Variants in ARHGEF38 observed in about 807,000 individuals in gnomAD.
The protein encoded by ARHGEF38 is Rho guanine nucleotide exchange factor 38.
In ARHGEF38, 79 loss-of-function variants were observed where a neutral mutation model predicts 79.9. The observed-to-expected ratio is 0.99, with a 90% CI of 0.82 to 1.19. ARHGEF38 has a LOEUF of 1.19. Ranked by LOEUF, ARHGEF38 falls within the 50% of genes most tolerant of loss-of-function variation. ARHGEF38 has a pLI of 0.00. For synonymous variants in ARHGEF38, 366 were observed against 328.3 expected (o/e 1.11, Z -1.24); for missense variants, 962 against 907.2 (o/e 1.06, Z -0.78).
At chr4:105,629,093 T>C (rs1407565254) in intron 3 of ARHGEF38, among the ~76,000 whole-genome samples, 3 of 152,222 alleles carry the variant, frequency 2.0e-5, no homozygotes, top group Non-Finnish European at 2.9e-5. Context: ...AATTCATCCA[T>C]GTAACCAAAA....
intron 1 of ARHGEF38, among the ~76,000 whole-genome samples, chr4:105,568,810 C>T (rs1726070680): frequency 6.6e-6 from 1 of 152,128 alleles, no homozygotes; most frequent in South Asian, 2.1e-4. Flanking sequence ...TGAAGTATGT[C>T]TTTGTTAGCA....
chr4:105,643,591 C>T (rs1415439190), intron 5 of ARHGEF38, among the ~76,000 whole-genome samples: 4 of 152,104 alleles, frequency 2.6e-5, no homozygotes, highest in African/African-American at 9.7e-5. Context: ...AATCTGAGAA[C>T]TCTATCATTT....
intron 1 of ARHGEF38, among the ~76,000 whole-genome samples, chr4:105,576,080 T>C (rs1726483874): frequency 6.6e-6 from 1 of 152,210 alleles, no homozygotes; most frequent in African/African-American, 2.4e-5. Context: ...TCCAGTAATG[T>C]GATGTCTCCA....
At chr4:105,579,140 G>C (rs1167830957) in intron 1 of ARHGEF38, among the ~76,000 whole-genome samples, 1 of 152,130 alleles carries the variant, frequency 6.6e-6, no homozygotes, top group Non-Finnish European at 1.5e-5. Context: ...AACTGAAGGA[G>C]TACCAGGACT....
intron 12 of ARHGEF38, 53 bp from the exon 13 acceptor site, chr4:105,667,391 G>A: frequency 6.5e-7 from 1 of 1,533,020 alleles, no homozygotes; most frequent in Non-Finnish European, 8.7e-7. Flanking sequence ...GCACATGTTT[G>A]GGAAGAGTAT....
chr4:105,643,956 T>A (rs1317682948), intron 5 of ARHGEF38, among the ~76,000 whole-genome samples: 2 of 134,088 alleles, frequency 1.5e-5, no homozygotes, highest in African/African-American at 2.8e-5. Context: ...AGCCTCGACC[T>A]CCCCAGCTTA....
intron 2 of ARHGEF38, among the ~76,000 whole-genome samples, chr4:105,602,201 G>A (rs1328898176): frequency 6.6e-6 from 1 of 152,126 alleles, no homozygotes; most frequent in Non-Finnish European, 1.5e-5. Flanking sequence ...AGCTAACATA[G>A]GGTAAGTTTA....
At chr4:105,596,363 G>GC (rs1727579814) in intron 2 of ARHGEF38, among the ~76,000 whole-genome samples, 1 of 152,078 alleles carries the variant, frequency 6.6e-6, no homozygotes, top group Non-Finnish European at 1.5e-5. Context: ...TCCTGCTTGT[G>GC]CCCCCCACCC....
chr4:105,638,617 A>G (rs1240597070), intron 5 of ARHGEF38, among the ~76,000 whole-genome samples: 2 of 152,182 alleles, frequency 1.3e-5, no homozygotes, highest in African/African-American at 4.8e-5. Flanking sequence ...TCACATTCCA[A>G]AGCTAACTAT....
Position 105,594,223 on chromosome 4 carries a change from G to A in ARHGEF38, c.384+4788G>A, listed in dbSNP as rs575492943. On this transcript the variant is annotated intron_variant, in intron 2 of 13. Coordinates refer to ENST00000420470, the MANE Select transcript of ARHGEF38 (RefSeq NM_001242729.2). Reference sequence around the variant, plus strand: ...TCGGGTACTCATATGACTCTTATCAGCGTTTATATGAGTGCTGAGGTAGTT... The same window carrying A: ...TCGGGTACTCATATGACTCTTATCAACGTTTATATGAGTGCTGAGGTAGTT... 5.2e-4 allele frequency among the ~76,000 whole-genome samples: 79 copies of A among 152,258 alleles called. No homozygotes were observed. The South Asian group carries it at 0.015, about 30-fold the overall frequency.
intron 13 of ARHGEF38, 21 bp from the exon 14 acceptor site, chr4:105,677,731 G>A (rs1037557051): frequency 2.0e-5 from 28 of 1,397,132 alleles, no homozygotes; most frequent in Non-Finnish European, 2.2e-5. Flanking sequence ...TTCCAATAAT[G>A]TCTTTTGTTT....
Position 105,630,923 on chromosome 4 carries a change from G to A in ARHGEF38, c.534G>A (p.Gly178=), listed in dbSNP as rs1211091383. The change falls in exon 4 of 14, where the codon GGG becomes GGA. Residue 178 remains glycine (G), a synonymous_variant. Coordinates refer to ENST00000420470, the MANE Select transcript of ARHGEF38 (RefSeq NM_001242729.2). ...GAGAAGTATTCTTGCAGATTAAAGG[G>A]CCACTGGAAGATATTTATAAAATCT... ...VIGEVFLQIK[G]PLEDIYKIYC... 1 of 1,611,416 alleles carries A rather than the reference G, an allele frequency of 6.2e-7. No homozygotes were observed. Among genetic ancestry groups the A allele is most frequent in the Non-Finnish European group, 8.5e-7 (1 of 1,179,144 alleles).
At chr4:105,619,247 A>C (rs1312272082) in intron 3 of ARHGEF38, among the ~76,000 whole-genome samples, 1 of 151,732 alleles carries the variant, frequency 6.6e-6, no homozygotes, top group Non-Finnish European at 1.5e-5. Context: ...CTACAACAGC[A>C]TTATCACTTC....
intron 13 of ARHGEF38, among the ~76,000 whole-genome samples, chr4:105,668,212 C>T (rs915051626): frequency 6.6e-6 from 1 of 151,550 alleles, no homozygotes; most frequent in African/African-American, 2.4e-5. Flanking sequence ...GATGGAGTCT[C>T]ACTCTGTCGC....
chr4:105,674,987 G>T (rs1427982236), intron 13 of ARHGEF38, among the ~76,000 whole-genome samples: 2 of 152,078 alleles, frequency 1.3e-5, no homozygotes, highest in Non-Finnish European at 2.9e-5. Context: ...AACCACTAAT[G>T]CAGGCTCTTA....
At chr4:105,617,262 T>A (rs1728547482) in intron 3 of ARHGEF38, among the ~76,000 whole-genome samples, 1 of 152,070 alleles carries the variant, frequency 6.6e-6, no homozygotes, top group Admixed American at 6.6e-5. Flanking sequence ...TAAATACAAA[T>A]ATTAGTGGAG....
intron 13 of ARHGEF38, among the ~76,000 whole-genome samples, 152 bp downstream of exon 13, chr4:105,667,855 G>A (rs1264685882): frequency 6.6e-6 from 1 of 152,184 alleles, no homozygotes; most frequent in Non-Finnish European, 1.5e-5. Context: ...TTTTTGTAAG[G>A]AGTTTAATTC....
chr4:105,610,676 A>G (rs1272038096), intron 2 of ARHGEF38, among the ~76,000 whole-genome samples: 31 of 152,194 alleles, frequency 2.0e-4, no homozygotes, highest in African/African-American at 2.4e-5. Context: ...CCATGGGCTC[A>G]TAGTGATATG....
chr4:105,586,213 T>C (rs749962348), intron 1 of ARHGEF38, among the ~76,000 whole-genome samples: 2 of 119,878 alleles, frequency 1.7e-5, no homozygotes, highest in Non-Finnish European at 3.6e-5. Context: ...CCACAATGCA[T>C]TGCAGAGTTT....
Sources: allele counts gnomAD v4.1 joint callset (sites outside exome capture counted in the v4.1 genomes callset), GRCh38; gene constraint gnomAD v4.1.1; transcripts MANE v1.5; gene names NCBI Gene and HGNC (gene_info 2026-07-23, HGNC 2026-07-21).